TRHDE: variants seen among roughly 807,000 people sequenced by gnomAD.
TRHDE encodes the protein thyrotropin-releasing hormone-degrading ectoenzyme.
In TRHDE, 72 loss-of-function variants were observed where a neutral mutation model predicts 125.7. The observed-to-expected ratio is 0.57, with a 90% CI of 0.47 to 0.70. TRHDE has a LOEUF of 0.70. Among genes scored for constraint, TRHDE ranks in the 30% least tolerant of loss-of-function variants. TRHDE has a pLI of 0.00. For missense variants in TRHDE, 1,110 were observed against 1,327.1 expected, an observed-to-expected ratio of 0.84 and a Z score of 2.54; for synonymous variants, 509 against 509.1, an observed-to-expected ratio of 1.00 and a Z score of 0.00.
At chr12:72,397,488 A>G (rs111719567) in intron 3 of TRHDE, among the ~76,000 whole-genome samples, 15 of 152,274 alleles carry the variant, frequency 9.9e-5, no homozygotes, top group African/African-American at 3.4e-4. Context: ...ATCAAATTTA[A>G]AACAAGTCCT....
At chr12:72,287,156 C>T (rs1879921402) in intron 2 of TRHDE, among the ~76,000 whole-genome samples, 1 of 152,078 alleles carries the variant, frequency 6.6e-6, no homozygotes, top group South Asian at 2.1e-4. Context: ...ACCCAGCACT[C>T]TTATTCCCTT....
intron 2 of TRHDE, among the ~76,000 whole-genome samples, chr12:72,136,915 A>G (rs1020995365): frequency 2.0e-5 from 3 of 152,132 alleles, no homozygotes; most frequent in Non-Finnish European, 4.4e-5. Context: ...CCTGCACCCT[A>G]AGAAAACATT....
At chr12:72,590,486 A>C (rs1011700481) in intron 12 of TRHDE, among the ~76,000 whole-genome samples, 1 of 151,944 alleles carries the variant, frequency 6.6e-6, no homozygotes, top group African/African-American at 2.4e-5. Context: ...TGATTCAGTC[A>C]ATTTTTGCTT....
At chr12:72,581,913 T>C (rs1480641641) in intron 12 of TRHDE, among the ~76,000 whole-genome samples, 2 of 151,716 alleles carry the variant, frequency 1.3e-5, no homozygotes, top group African/African-American at 2.4e-5. Flanking sequence ...CCATCCTGGC[T>C]AACATGGTGA....
At chr12:72,462,262 G>T (rs951659453) in intron 3 of TRHDE, among the ~76,000 whole-genome samples, 1 of 152,174 alleles carries the variant, frequency 6.6e-6, no homozygotes, top group Non-Finnish European at 1.5e-5. Flanking sequence ...GAAGCTTGCA[G>T]ATTTGAGCAC....
rs1872837666 is a variant in TRHDE at position 72,616,874 on chromosome 12, A to C, written c.2322-2017A>C. On this transcript the variant is annotated intron_variant, in intron 12 of 18. Coordinates refer to ENST00000261180, the MANE Select transcript of TRHDE (RefSeq NM_013381.3). ...AAGGTGAATATATAATCACCACACT[A>C]ATTAATATTTAGAATTAAAAGTTCC... 2.0e-5 allele frequency among the ~76,000 whole-genome samples: 3 copies of C among 152,148 alleles called. No individual in the cohort carries two copies. The South Asian group carries it at 6.2e-4, about 32-fold the overall frequency.
chr12:72,158,522 A>G (rs910236920), intron 2 of TRHDE, among the ~76,000 whole-genome samples: 1 of 152,026 alleles, frequency 6.6e-6, no homozygotes, highest in African/African-American at 2.4e-5. Flanking sequence ...ATTAGAAACA[A>G]TAATTGTTTA....
rs568031364 is a variant in TRHDE at position 72,472,702 on chromosome 12, T to A, written c.1471-365T>A. On this transcript the variant is annotated intron_variant, in intron 4 of 18. Coordinates refer to ENST00000261180, the MANE Select transcript of TRHDE (RefSeq NM_013381.3). ...GCTAATTTCCGTTCATTAGTCCTGG[T>A]TTGTCCCTTGTAGGGTCACAAGAAA... is the stretch of plus-strand genomic sequence containing the variant. Among the ~76,000 whole-genome samples the A allele has an allele frequency of 2.0e-5, 3 of 152,320 alleles. No individual in the cohort carries two copies. The East Asian group carries it at 5.8e-4, about 29-fold the overall frequency.
chr12:72,447,608 A>G (rs1875361332), intron 3 of TRHDE, among the ~76,000 whole-genome samples: 1 of 152,074 alleles, frequency 6.6e-6, no homozygotes, highest in Non-Finnish European at 1.5e-5. Context: ...TGACTCTGAT[A>G]CACACTCATA....
At chr12:72,352,742 T>C (rs1364377715) in intron 2 of TRHDE, among the ~76,000 whole-genome samples, 2 of 151,712 alleles carry the variant, frequency 1.3e-5, no homozygotes, top group African/African-American at 2.4e-5. Flanking sequence ...TATGACGTTT[T>C]TGAGGGTTTT....
At chr12:72,224,274 A>T (rs1031504386) in intron 2 of TRHDE, among the ~76,000 whole-genome samples, 1 of 151,080 alleles carries the variant, frequency 6.6e-6, no homozygotes, top group Non-Finnish European at 1.5e-5. Context: ...ACCCCCCCCT[A>T]GGTAGACCAG....
intron 5 of TRHDE, among the ~76,000 whole-genome samples, chr12:72,496,458 CAT>C (rs1227364366): frequency 1.3e-5 from 2 of 152,118 alleles, no homozygotes; most frequent in African/African-American, 4.8e-5. Flanking sequence ...GGGGAATTTC[CAT>C]TTATAAAACC....
chr12:72,316,147 A>T (rs1868791604), intron 2 of TRHDE, among the ~76,000 whole-genome samples: 1 of 152,086 alleles, frequency 6.6e-6, no homozygotes, highest in Non-Finnish European at 1.5e-5. Flanking sequence ...ATCCAAGGAA[A>T]TTTTTCCTTG....
At chr12:72,477,228 A>G (rs879351458) in intron 5 of TRHDE, among the ~76,000 whole-genome samples, 2 of 152,192 alleles carry the variant, frequency 1.3e-5, no homozygotes, top group South Asian at 2.1e-4. Flanking sequence ...TGAAAGCTCT[A>G]TTAGAAAAGT....
chr12:72,115,719 G>A (rs1218473306), intron 2 of TRHDE, among the ~76,000 whole-genome samples: 1 of 152,046 alleles, frequency 6.6e-6, no homozygotes, highest in East Asian at 1.9e-4. Context: ...TTATTATTAT[G>A]TGTCTTTTGT....
chr12:72,353,119 T>G (rs1870658185), intron 2 of TRHDE, among the ~76,000 whole-genome samples: 1 of 151,740 alleles, frequency 6.6e-6, no homozygotes, highest in Non-Finnish European at 1.5e-5. Flanking sequence ...AAATGGAATA[T>G]AAATTAAATT....
At chr12:72,374,598 T>C (rs1255126500) in intron 2 of TRHDE, among the ~76,000 whole-genome samples, 2 of 151,902 alleles carry the variant, frequency 1.3e-5, no homozygotes. Flanking sequence ...GAAGGAGGAA[T>C]CGGGCAGGAG....
chr12:72,519,962 G>C (rs1278684409), intron 6 of TRHDE, among the ~76,000 whole-genome samples: 1 of 152,188 alleles, frequency 6.6e-6, no homozygotes, highest in South Asian at 2.1e-4. Flanking sequence ...TGGGGGTCAG[G>C]GGTCAGGGAC....
chr12:72,509,518 C>A (rs1878497339), intron 6 of TRHDE, among the ~76,000 whole-genome samples: 2 of 152,250 alleles, frequency 1.3e-5, no homozygotes, highest in Middle Eastern at 6.8e-3. Flanking sequence ...ATTGGCCTTT[C>A]TCGTTGTAGG....
Sources: allele counts gnomAD v4.1 joint callset (sites outside exome capture counted in the v4.1 genomes callset), GRCh38; gene constraint gnomAD v4.1.1; transcripts MANE v1.5; gene names NCBI Gene and HGNC (gene_info 2026-07-23, HGNC 2026-07-21).